Variants in CLEC12A observed in about 807,000 individuals in gnomAD.
CLEC12A encodes C-type lectin protein CLL-1.
In CLEC12A, 22 loss-of-function variants were observed where a neutral mutation model predicts 26.5. The ratio of observed to expected loss-of-function variants is 0.83; its 90% CI spans 0.59 to 1.19. The LOEUF (loss-of-function observed/expected upper bound fraction) is 1.19, where lower values mean the gene tolerates loss of function less well. Among genes scored for constraint, CLEC12A ranks in the 50% most tolerant of loss-of-function variants. The pLI is 0.00. For synonymous variants in CLEC12A, 119 were observed against 101.9 expected, an observed-to-expected ratio of 1.17 and a Z score of -1.01; for missense variants, 353 against 315.6, an observed-to-expected ratio of 1.12 and a Z score of -0.90.
chr12:9,954,176 C>T (rs534387615), intron 1 of CLEC12A, among the ~76,000 whole-genome samples: 19 of 145,854 alleles, frequency 1.3e-4, no homozygotes, highest in African/African-American at 4.7e-4. Context: ...GCCAAATCCC[C>T]TCTGTGAGAA....
upstream of CLEC12A, among the ~76,000 whole-genome samples, chr12:9,969,109 G>A (rs377101064): frequency 5.9e-5 from 9 of 152,142 alleles, no homozygotes; most frequent in South Asian, 1.5e-3. Context: ...GGGGTGGTGG[G>A]GGATAAAGAT....
rs1387387582 is a variant in CLEC12A, at chr12:9,982,114, T to A, written c.626T>A (p.Ile209Asn). The change falls in exon 5 of 6, where the codon ATC becomes AAC. Residue 209 changes from isoleucine to asparagine, a missense_variant. Transcript: ENST00000304361. Reference protein sequence around the residue: ...STRGMRVDNIINSSAWVIRNA... With the variant: ...STRGMRVDNINNSSAWVIRNA... ...CGTGGTATGAGAGTGGATAATATAA[T>A]CAACTCCTCTGCCTGGTAAGTGTCT... 5 of 1,558,668 alleles carry A rather than the reference T, an allele frequency of 3.2e-6. No individual in the cohort carries two copies.
At chr12:10,000,629 A>G (rs1865147726), downstream of CLEC12A, among the ~76,000 whole-genome samples, 1 of 152,222 alleles carries the variant, frequency 6.6e-6, no homozygotes, top group African/African-American at 2.4e-5. Flanking sequence ...GGGGTTCCCA[A>G]TCATAAGCTG....
upstream of CLEC12A, among the ~76,000 whole-genome samples, chr12:9,966,518 C>T (rs950756101): frequency 5.9e-5 from 9 of 152,136 alleles, no homozygotes; most frequent in African/African-American, 2.2e-4. Flanking sequence ...GGCCAGATTT[C>T]TGGCACTTTT....
intron 1 of CLEC12A, among the ~76,000 whole-genome samples, chr12:9,958,965 A>G (rs1489454490): frequency 1.3e-5 from 2 of 152,204 alleles, no homozygotes; most frequent in Non-Finnish European, 2.9e-5. Flanking sequence ...TTACACACAG[A>G]CATATAACTT....
intron 1 of CLEC12A, among the ~76,000 whole-genome samples, chr12:9,960,751 T>G (rs1863814707): frequency 6.6e-6 from 1 of 152,206 alleles, no homozygotes; most frequent in African/African-American, 2.4e-5. Context: ...TCTTAAAACT[T>G]GAAACTTGTT....
intron 1 of CLEC12A, among the ~76,000 whole-genome samples, chr12:9,976,181 G>A (rs1284034662): frequency 6.6e-6 from 1 of 152,214 alleles, no homozygotes; most frequent in Non-Finnish European, 1.5e-5. Context: ...GTACTGTCCA[G>A]TGGAGCAGTG....
chr12:9,978,769 A>G (rs571382846), intron 1 of CLEC12A, among the ~76,000 whole-genome samples, 197 bp from the exon 2 acceptor site: 1 of 152,312 alleles, frequency 6.6e-6, no homozygotes, highest in Admixed American at 6.5e-5. Context: ...ATACAAAACA[A>G]TTAAGTGATT....
intron 1 of CLEC12A, among the ~76,000 whole-genome samples, chr12:9,972,561 G>A (rs1439780541): frequency 6.6e-6 from 1 of 152,048 alleles, no homozygotes; most frequent in African/African-American, 2.4e-5. Flanking sequence ...CACAAAGAAG[G>A]GTGATAGAAA....
At chr12:9,978,158 G>C (rs553793788) in intron 1 of CLEC12A, among the ~76,000 whole-genome samples, 25 of 152,188 alleles carry the variant, frequency 1.6e-4, no homozygotes, top group African/African-American at 5.3e-4. Context: ...TGGTATCCCT[G>C]AATTGGATTT....
rs117943009 is a variant in CLEC12A at position 9,977,099 on chromosome 12, G to T, written c.92-1867G>T. ...AATACACATGCTAACCCTAAAGATG[G>T]TGTTTTGCTTTTTATCACTATGAGA... On this transcript the variant is annotated intron_variant, in intron 1 of 5. Coordinates refer to ENST00000304361, the MANE Select transcript of CLEC12A (RefSeq NM_138337.6). 9.1e-3 allele frequency among the ~76,000 whole-genome samples: 1,383 copies of T among 152,200 alleles called. 25 individuals carry two copies. The highest frequency in any genetic ancestry group is 0.032 in the Admixed American group (484 of 15,288).
intron 4 of CLEC12A, chr12:9,993,050 G>T: frequency 1.7e-6 from 2 of 1,203,382 alleles, no homozygotes; most frequent in Non-Finnish European, 2.3e-6. Context: ...AAGAAAGGGA[G>T]AAATAAGCAA....
In CLEC12A at chr12:9,980,618, G is replaced by C. The variant is rs1243238211; in HGVS notation, c.416G>C (p.Trp139Ser). 2 of 1,613,802 alleles carry C rather than the reference G, an allele frequency of 1.2e-6. No homozygotes were observed. The highest frequency in any genetic ancestry group is 1.7e-6 in the Non-Finnish European group (2 of 1,179,804). Residue 139 changes from tryptophan (W) to serine (S), a missense_variant, in exon 4 of 6, where the codon TGG becomes TCG. Physicochemically the swap from Trp to Ser is radical, Grantham distance 177 (BLOSUM62 -3). Coordinates refer to ENST00000304361, the MANE Select transcript of CLEC12A (RefSeq NM_138337.6). ...KCKPCPRRWI[W>S]HKDSCYFLSD... is the part of the protein sequence containing the mutation. ...AAGCCTTGTCCAAGGAGATGGATTTGGCATAAGGACAGCTGTTATTTCCTA... is the reference window on the plus strand; with the variant it reads ...AAGCCTTGTCCAAGGAGATGGATTTCGCATAAGGACAGCTGTTATTTCCTA...
chr12:9,968,207 G>C (rs1272681355), upstream of CLEC12A, among the ~76,000 whole-genome samples: 1 of 152,190 alleles, frequency 6.6e-6, no homozygotes, highest in Non-Finnish European at 1.5e-5. Context: ...GGAATAAAGA[G>C]CAGGAGGACA....
In CLEC12A at chr12:9,980,748, T is replaced by C; in HGVS notation, c.531+15T>C. 1 of 1,611,818 alleles carries C rather than the reference T, an allele frequency of 6.2e-7. No individual in the cohort carries two copies. The highest frequency in any genetic ancestry group is 8.5e-7 in the Non-Finnish European group (1 of 1,178,754). On this transcript the variant is annotated intron_variant, in intron 4 of 5. Transcript: ENST00000304361. ...AAAATGCATTGGTAAAGCCCAGGTG[T>C]TTCTACCATCATGGGATAGAGAGGG...
chr12:9,971,795 T>C, intron 1 of CLEC12A, 108 bp downstream of exon 1: 1 of 902,672 alleles, frequency 1.1e-6, no homozygotes. Flanking sequence ...AAATTTTCAA[T>C]TAAGTCTCTT....
chr12:9,959,498 T>G (rs1863796651), intron 1 of CLEC12A, among the ~76,000 whole-genome samples: 2 of 151,628 alleles, frequency 1.3e-5, no homozygotes, highest in South Asian at 4.2e-4. Context: ...TACTTTTTGG[T>G]TTTTGGCTCT....
chr12:9,954,944 G>C (rs1470176041), intron 1 of CLEC12A, among the ~76,000 whole-genome samples: 2 of 152,188 alleles, frequency 1.3e-5, no homozygotes, highest in Non-Finnish European at 1.5e-5. Flanking sequence ...GTTTGACAAA[G>C]AGATTATAAG....
At chr12:9,982,595 T>G (rs971139288) in intron 5 of CLEC12A, among the ~76,000 whole-genome samples, 2 of 152,132 alleles carry the variant, frequency 1.3e-5, no homozygotes, top group South Asian at 4.1e-4. Context: ...AAAACATAAA[T>G]TTTTGCAATG....
Sources: gnomAD v4.1 joint callset for allele counts (sites outside exome capture counted in the v4.1 genomes callset) on GRCh38, gnomAD v4.1.1 for gene constraint, MANE v1.5 for transcripts, NCBI Gene and HGNC (gene_info 2026-07-23, HGNC 2026-07-21) for gene names.